RRAGD: variants seen among roughly 807,000 people sequenced by gnomAD.
The protein encoded by RRAGD is ras-related GTP-binding protein D.
A neutral mutation model predicts 35.5 loss-of-function variants in RRAGD; 12 were observed. The observed-to-expected ratio is 0.34, with a 90% CI of 0.22 to 0.55. The LOEUF is 0.55. RRAGD is among the 20% of genes least tolerant of loss of function. The pLI is 0.91. For missense variants in RRAGD, 324 were observed against 490.1 expected (o/e 0.66, Z 3.20); for synonymous variants, 155 against 178.9 (o/e 0.87, Z 1.07).
At chr6:89,382,196 C>T (rs896227056) in intron 2 of RRAGD, among the ~76,000 whole-genome samples, 6 of 151,876 alleles carry the variant, frequency 4.0e-5, no homozygotes, top group African/African-American at 7.3e-5. Flanking sequence ...CTAGGCAAAT[C>T]AAATATTAAT....
intron 1 of RRAGD, among the ~76,000 whole-genome samples, chr6:89,403,627 C>CTTT (rs10715442): frequency 1.7e-5 from 2 of 116,472 alleles, no homozygotes; most frequent in African/African-American, 3.4e-5. Flanking sequence ...TTTTCTTTTT[C>CTTT]TTTTTTTTTT....
At chr6:89,371,174 C>T (rs1768848335) in intron 6 of RRAGD, among the ~76,000 whole-genome samples, 1 of 151,146 alleles carries the variant, frequency 6.6e-6, no homozygotes, top group African/African-American at 2.4e-5. Flanking sequence ...AGAAAAGGAG[C>T]GAGGGTAGGA....
At chr6:89,390,011 C>A (rs541576387) in intron 1 of RRAGD, among the ~76,000 whole-genome samples, 1 of 152,232 alleles carries the variant, frequency 6.6e-6, no homozygotes, top group Non-Finnish European at 1.5e-5. Context: ...TTATGTCATA[C>A]CATATACAAA....
At position 89,386,683 on chromosome 6, in the gene RRAGD, C is replaced by G. The variant is rs544149646; in HGVS notation, c.444+612G>C. The stretch of plus-strand genomic sequence containing the variant: ...CTTATGTGAATAAAGTTTCTCAGTG[C>G]TTATAACTATATAAACAGAAAACAA... On this transcript the variant is annotated intron_variant, in intron 2 of 6. Transcript: ENST00000369415. Among the ~76,000 whole-genome samples, 14 of 152,194 alleles carry G rather than the reference C, an allele frequency of 9.2e-5. No individual in the cohort carries two copies. The South Asian group carries it at 2.3e-3, about 25-fold the overall frequency.
chr6:89,386,026 C>T (rs61385845), intron 2 of RRAGD, among the ~76,000 whole-genome samples: 5,623 of 152,188 alleles, frequency 0.037, 355 homozygotes, highest in African/African-American at 0.13. Context: ...GTGTGCTTAG[C>T]GGGGCGATGC....
chr6:89,393,049 G>C (rs1376563713), intron 1 of RRAGD, among the ~76,000 whole-genome samples: 3 of 152,192 alleles, frequency 2.0e-5, no homozygotes, highest in Non-Finnish European at 4.4e-5. Context: ...CAAGAGCAGG[G>C]CATGAACTGA....
At chr6:89,392,519 T>A (rs1477539386) in intron 1 of RRAGD, among the ~76,000 whole-genome samples, 3 of 151,496 alleles carry the variant, frequency 2.0e-5, no homozygotes, top group Non-Finnish European at 4.4e-5. Context: ...GAGATGTATA[T>A]ACATTAAATT....
rs768431232 is a variant in RRAGD, at chr6:89,379,353, G to A, written c.645-15C>T. ...TCAGATAAAAGCTGAAAGAGGAAAC[G>A]GTATTTCATCATGTTTTCCCTTTGA... On this transcript the variant is annotated splice_polypyrimidine_tract_variant and intron_variant, in intron 3 of 6. Transcript: ENST00000369415. The A allele has an allele frequency of 4.5e-6, 6 of 1,347,380 alleles. No homozygotes were observed. In the East Asian group the frequency reaches 7.0e-5, roughly 16 times the overall value. 83.5% of individuals were successfully genotyped at this position (1,347,380 alleles called of 1,614,324 possible). A position where few individuals can be genotyped will look rare whatever the true frequency, so the allele number is the denominator to read the frequency against.
rs78882073 is a variant in RRAGD at position 89,411,560 on chromosome 6, C to G, written c.148+286G>C. On this transcript the variant is annotated intron_variant, in intron 1 of 6. Transcript: ENST00000369415. This position sits in a 1 kb window ranked among gnomAD's most constrained non-coding sequence, Gnocchi z 5.6. ...TTGGGGTGAGGGGCGCGGGAGGCAC[C>G]GGCTCTGAAAGGGGCAGAAGCGCGC... 2 of 422,048 alleles carry G rather than the reference C, an allele frequency of 4.7e-6. No homozygotes were observed. Among genetic ancestry groups the G allele is most frequent in the Non-Finnish European group, 8.6e-6 (2 of 233,212 alleles). 26.1% of individuals were successfully genotyped at this position (422,048 alleles called of 1,614,324 possible).
At chr6:89,371,049 T>TTATTTTAATTTTC (rs1768846478) in intron 6 of RRAGD, among the ~76,000 whole-genome samples, 1 of 151,356 alleles carries the variant, frequency 6.6e-6, no homozygotes, top group Non-Finnish European at 1.5e-5. Context: ...TAATATAAAA[T>TTATTTTAATTTTC]ATAAATATTT....
Position 89,366,577 on chromosome 6 carries a change from A to G in RRAGD, c.*1479T>C, listed in dbSNP as rs1401708768. Reference sequence around the variant, plus strand: ...GTATAAGTTGCTTTAGGGACTTTATATATTTTGCTAGGACCAACTTTGATG... The same window carrying G: ...GTATAAGTTGCTTTAGGGACTTTATGTATTTTGCTAGGACCAACTTTGATG... On this transcript the variant is annotated 3_prime_UTR_variant, in exon 7 of 7. Transcript: ENST00000369415. 2 of 151,454 alleles carry G rather than the reference A, an allele frequency of 1.3e-5. No individual in the cohort carries two copies. The highest frequency in any genetic ancestry group is 2.1e-4 in the South Asian group (1 of 4,792). The allele number at this position is 151,454 out of a possible 1,614,324, so 9.4% of individuals were successfully genotyped here. A position where few individuals can be genotyped will look rare whatever the true frequency, so the allele number is the denominator to read the frequency against.
intron 6 of RRAGD, among the ~76,000 whole-genome samples, chr6:89,368,797 G>A (rs1014454252): frequency 6.6e-6 from 1 of 152,198 alleles, no homozygotes; most frequent in Non-Finnish European, 1.5e-5. Context: ...AGTATTTTAA[G>A]TGGAGAAATA....
At chr6:89,376,167 G>C (rs188331672) in intron 5 of RRAGD, among the ~76,000 whole-genome samples, 1 of 152,124 alleles carries the variant, frequency 6.6e-6, no homozygotes, top group Non-Finnish European at 1.5e-5. Context: ...AGATGTCAGC[G>C]TTTAATTATA....
intron 1 of RRAGD, 36 bp from the exon 2 acceptor site, chr6:89,387,626 G>C: frequency 6.4e-7 from 1 of 1,571,600 alleles, no homozygotes; most frequent in Non-Finnish European, 8.7e-7. Flanking sequence ...AAGGTGAGAT[G>C]CTTTCACAGA....
chr6:89,383,708 C>T (rs550636308), intron 2 of RRAGD, among the ~76,000 whole-genome samples: 28 of 152,234 alleles, frequency 1.8e-4, no homozygotes, highest in Non-Finnish European at 3.4e-4. Flanking sequence ...TATTTTATGA[C>T]ATTCTGTGAG....
chr6:89,375,449 G>C (rs550521919), intron 5 of RRAGD, among the ~76,000 whole-genome samples: 1 of 152,024 alleles, frequency 6.6e-6, no homozygotes, highest in African/African-American at 2.4e-5. Flanking sequence ...TAAAGTGTGT[G>C]CATGTGTGTG....
chr6:89,400,495 C>T (rs1211018318), intron 1 of RRAGD, among the ~76,000 whole-genome samples: 1 of 152,026 alleles, frequency 6.6e-6, no homozygotes, highest in African/African-American at 2.4e-5. Flanking sequence ...TCTCCTCTCA[C>T]CCTCTCCTCA....
At chr6:89,409,258 TA>T (rs1236012188) in intron 1 of RRAGD, among the ~76,000 whole-genome samples, 1 of 152,222 alleles carries the variant, frequency 6.6e-6, no homozygotes. Flanking sequence ...CAGCTCCTGA[TA>T]AATTGCTTTG....
chr6:89,374,416 G>A (rs747138303), intron 5 of RRAGD, among the ~76,000 whole-genome samples: 1 of 152,186 alleles, frequency 6.6e-6, no homozygotes, highest in African/African-American at 2.4e-5. Flanking sequence ...AGTATTTTAA[G>A]CTGCCATATA....
Sources: allele counts gnomAD v4.1 joint callset (sites outside exome capture counted in the v4.1 genomes callset), GRCh38; gene constraint gnomAD v4.1.1; non-coding constraint Gnocchi (gnomAD v3.1); transcripts MANE v1.5; gene names NCBI Gene and HGNC (gene_info 2026-07-23, HGNC 2026-07-21).